The following SOCS4 variants were observed in gnomAD, a reference collection of about 807,000 sequenced individuals.
SOCS4 encodes the protein SH2 domain containing SOCS box protein.
A neutral mutation model predicts 34.1 loss-of-function variants in SOCS4; 20 were observed. The observed-to-expected ratio is 0.59, with a 90% CI of 0.41 to 0.85. The LOEUF (loss-of-function observed/expected upper bound fraction) is 0.85, where lower values mean the gene tolerates loss of function less well. Ranked by LOEUF, SOCS4 falls within the 40% of genes least tolerant of loss-of-function variation. The pLI, the probability that SOCS4 is intolerant of heterozygous loss-of-function variation, is 0.00. For synonymous variants in SOCS4, 180 were observed against 186.4 expected (o/e 0.97, Z 0.28); for missense variants, 479 against 532.4 (o/e 0.90, Z 0.99).
At position 55,043,828 on chromosome 14, in the gene SOCS4, A is replaced by C; in HGVS notation, c.787A>C (p.Lys263Gln). ...AATCCTGCAGTTGGAAACACCTCCT[A>C]AATACCACACGCAGATTGATTATGT... ...DEILQLETPP[K>Q]YHTQIDYVHC... The change falls in exon 3 of 3, where the codon AAA becomes CAA. Residue 263 changes from lysine (K) to glutamine (Q), a missense_variant. By Grantham distance (53) the Lys-to-Gln change is moderately conservative. Transcript: ENST00000555846. 6.2e-7 allele frequency: 1 copy of C among 1,614,180 alleles called. No individual in the cohort carries two copies. Among genetic ancestry groups the C allele is most frequent in the Non-Finnish European group, 8.5e-7 (1 of 1,180,018 alleles).
chr14:55,035,089 G>A (rs776295106), intron 2 of SOCS4, among the ~76,000 whole-genome samples: 5 of 152,264 alleles, frequency 3.3e-5, no homozygotes, highest in Non-Finnish European at 7.4e-5. Context: ...TCAAACTCCT[G>A]ACCTCAGATG....
At position 55,046,584 on chromosome 14, in the gene SOCS4, G is replaced by C. The variant is rs1185893028; in HGVS notation, c.*2220G>C. On this transcript the variant is annotated 3_prime_UTR_variant, in exon 3 of 3. Coordinates refer to ENST00000555846, the MANE Select transcript of SOCS4 (RefSeq NM_199421.2). ...TTCATATAATTCAAACTGATTGCTT[G>C]TGATATGTTTTCTCTGGCTTTTTTA... is the stretch of plus-strand genomic sequence containing the variant. 6.0e-6 allele frequency: 1 copy of C among 166,898 alleles called. No homozygotes were observed. Among genetic ancestry groups the C allele is most frequent in the East Asian group, 1.9e-4 (1 of 5,208 alleles). The allele number at this position is 166,898 out of a possible 1,614,324, so 10.3% of individuals were successfully genotyped here.
intron 2 of SOCS4, among the ~76,000 whole-genome samples, chr14:55,034,572 G>A (rs906932890): frequency 1.3e-5 from 2 of 152,094 alleles, no homozygotes; most frequent in Admixed American, 6.5e-5. Context: ...GGTGACTCAT[G>A]CCTGTAATCT....
rs369772822 is a variant in SOCS4 at position 55,045,724 on chromosome 14, A to G, written c.*1360A>G. ...AATGAATAATAAATGTAGATAGACA[A>G]TTTTCTTCTGGTGAGCTGTCTAACC... On this transcript the variant is annotated 3_prime_UTR_variant, in exon 3 of 3. Coordinates refer to ENST00000555846, the MANE Select transcript of SOCS4 (RefSeq NM_199421.2). 6.0e-6 allele frequency: 1 copy of G among 166,848 alleles called. No homozygotes were observed. The highest frequency in any genetic ancestry group is 2.4e-5 in the African/African-American group (1 of 41,420). 10.3% of individuals were successfully genotyped at this position (166,848 alleles called of 1,614,324 possible).
At position 55,043,477 on chromosome 14, in the gene SOCS4, T is replaced by C. The variant is rs757924191; in HGVS notation, c.436T>C (p.Phe146Leu). ...PRSDLAFRWH[F>L]IKRHTAPINS... is the part of the protein sequence containing the mutation. The stretch of plus-strand genomic sequence containing the variant: ...ATCAGATTTAGCCTTTAGGTGGCAT[T>C]TTATTAAACGACACACTGCTCCTAT... The change falls in exon 3 of 3, where the codon TTT (phenylalanine) becomes CTT (leucine). Residue 146 changes from phenylalanine (F) to leucine (L), a missense_variant. Coordinates refer to ENST00000555846, the MANE Select transcript of SOCS4 (RefSeq NM_199421.2). 1 of 1,614,194 alleles carries C rather than the reference T, an allele frequency of 6.2e-7. No homozygotes were observed. The highest frequency in any genetic ancestry group is 1.7e-5 in the Admixed American group (1 of 60,022).
chr14:55,043,166 AG>A lies in SOCS4; in HGVS notation c.126del (p.Ser43ValfsTer10). On this transcript the variant is annotated frameshift_variant, in exon 3 of 3. Transcript: ENST00000555846. LOFTEE classifies it high-confidence loss of function. ...WSGKKLSWSK[K>X]SESYSDAETV... Reference sequence around the variant, plus strand: ...GGAAAGAAGTTATCTTGGTCAAAAAAGAGTGAGAGTTATTCAGATGCTGAGA... The same window carrying A: ...GGAAAGAAGTTATCTTGGTCAAAAAAAGTGAGAGTTATTCAGATGCTGAGA... 1 of 1,614,262 alleles carries A rather than the reference AG, an allele frequency of 6.2e-7. No homozygotes were observed. The highest frequency in any genetic ancestry group is 8.5e-7 in the Non-Finnish European group (1 of 1,180,040).
At chr14:55,042,727 G>A (rs1375533175) in intron 2 of SOCS4, among the ~76,000 whole-genome samples, 1 of 152,142 alleles carries the variant, frequency 6.6e-6, no homozygotes, top group Non-Finnish European at 1.5e-5. Flanking sequence ...TTAGCTATGA[G>A]AAAGGAACTC....
Position 55,043,855 on chromosome 14 carries a change from C to T in SOCS4, c.814C>T (p.His272Tyr). ...ATACCACACGCAGATTGATTATGTCCACTGTCTTGTACCAGACCTCCTTCA... is the reference window on the plus strand; with the variant it reads ...ATACCACACGCAGATTGATTATGTCTACTGTCTTGTACCAGACCTCCTTCA... ...PKYHTQIDYV[H>Y]CLVPDLLQIN... is the part of the protein sequence containing the mutation. The change falls in exon 3 of 3, where the codon CAC (histidine) becomes TAC (tyrosine). Residue 272 changes from histidine to tyrosine, a missense_variant. Physicochemically the swap from His to Tyr is moderately conservative, Grantham distance 83. Transcript: ENST00000555846. The T allele has an allele frequency of 6.2e-7, 1 of 1,614,152 alleles. No homozygotes were observed. Among genetic ancestry groups the T allele is most frequent in the Non-Finnish European group, 8.5e-7 (1 of 1,180,028 alleles).
rs2042639755 is a variant in SOCS4 at position 55,043,431 on chromosome 14, T to C, written c.390T>C (p.Asp130=). 2 of 1,614,106 alleles carry C rather than the reference T, an allele frequency of 1.2e-6. No homozygotes were observed. Among genetic ancestry groups the C allele is most frequent in the Non-Finnish European group, 1.7e-6 (2 of 1,180,052 alleles). The change falls in exon 3 of 3, where the codon GAT becomes GAC. Residue 130 remains aspartate (D), a synonymous_variant. Transcript: ENST00000555846. ...TTCATATCAGTGAACTCATGTTAGA[T>C]AAGTGTCCTTTCCCACCTCGATCAG... The part of the protein sequence containing the change: ...RKIHISELML[D]KCPFPPRSDL...
intron 1 of SOCS4, among the ~76,000 whole-genome samples, chr14:55,029,132 T>C (rs2140240838): frequency 6.6e-6 from 1 of 152,332 alleles, no homozygotes; most frequent in Middle Eastern, 3.4e-3. Flanking sequence ...CTACAAATTG[T>C]AATACCTTCA....
rs960876946 is a variant in SOCS4 at position 55,049,079 on chromosome 14, T to C, written c.*4715T>C. 3 of 166,772 alleles carry C rather than the reference T, an allele frequency of 1.8e-5. No individual in the cohort carries two copies. The highest frequency in any genetic ancestry group is 4.4e-5 in the Non-Finnish European group (3 of 68,110). 10.3% of individuals were successfully genotyped at this position (166,772 alleles called of 1,614,324 possible). A position where few individuals can be genotyped will look rare whatever the true frequency, so the allele number is the denominator to read the frequency against. On this transcript the variant is annotated 3_prime_UTR_variant, in exon 3 of 3. Transcript: ENST00000555846. ...GTTTCCTCCTACCCTTCATATGGTC[T>C]GTGTAAAACTGATGTTTGCTTAACT...
In SOCS4 at chr14:55,044,727, A is replaced by G. The variant is rs569790386; in HGVS notation, c.*363A>G. The G allele has an allele frequency of 1.2e-5, 2 of 168,374 alleles. No individual in the cohort carries two copies. Among genetic ancestry groups the G allele is most frequent in the South Asian group, 4.1e-4 (2 of 4,900 alleles). The allele number at this position is 168,374 out of a possible 1,614,324, so 10.4% of individuals were successfully genotyped here. On this transcript the variant is annotated 3_prime_UTR_variant, in exon 3 of 3. Transcript: ENST00000555846. ...CACATTTGAATATTGTGTATTTCAT[A>G]CTATTCTTTAAAAGTAATCTTATGT...
At chr14:55,039,843 C>G (rs535173073) in intron 2 of SOCS4, among the ~76,000 whole-genome samples, 1 of 152,278 alleles carries the variant, frequency 6.6e-6, no homozygotes, top group Admixed American at 6.5e-5. Flanking sequence ...TTGCAGTGAG[C>G]CGAGATCGTG....
Position 55,042,948 on chromosome 14 carries a change from T to TG in SOCS4, c.-90-4_-90-3insG. On this transcript the variant is annotated splice_region_variant and splice_polypyrimidine_tract_variant and intron_variant, in intron 2 of 2. Coordinates refer to ENST00000555846, the MANE Select transcript of SOCS4 (RefSeq NM_199421.2). ...GGTTAATGACTTTTTTTTGTTTTCT[T>TG]TAGATACATCCAGAAAGTGCCCAGA... 1 of 1,179,048 alleles carries TG rather than the reference T, an allele frequency of 8.5e-7. No homozygotes were observed. Among genetic ancestry groups the TG allele is most frequent in the Non-Finnish European group, 1.2e-6 (1 of 843,386 alleles). The allele number at this position is 1,179,048 out of a possible 1,614,324, so 73.0% of individuals were successfully genotyped here.
At position 55,043,782 on chromosome 14, in the gene SOCS4, C is replaced by G; in HGVS notation, c.741C>G (p.Pro247=). The change falls in exon 3 of 3, where the codon CCC becomes CCG. Residue 247 remains proline, a synonymous_variant. Transcript: ENST00000555846. ...LCTSSRKRNK[P]KWDLDDEILQ... Reference sequence around the variant, plus strand: ...CAAGTTCCAGAAAAAGAAACAAACCCAAATGGGATTTGGATGATGAAATCC... The same window carrying G: ...CAAGTTCCAGAAAAAGAAACAAACCGAAATGGGATTTGGATGATGAAATCC... 1 of 1,614,048 alleles carries G rather than the reference C, an allele frequency of 6.2e-7. No individual in the cohort carries two copies. Among genetic ancestry groups the G allele is most frequent in the Non-Finnish European group, 8.5e-7 (1 of 1,179,996 alleles).
chr14:55,042,413 A>G (rs948114859), intron 2 of SOCS4, among the ~76,000 whole-genome samples: 10 of 152,208 alleles, frequency 6.6e-5, no homozygotes, highest in South Asian at 2.1e-4. Context: ...TTGCTGTTCA[A>G]TGGTGATTGT....
At chr14:55,030,080 A>G (rs1439487260) in intron 1 of SOCS4, among the ~76,000 whole-genome samples, 1 of 152,196 alleles carries the variant, frequency 6.6e-6, no homozygotes, top group Non-Finnish European at 1.5e-5. Flanking sequence ...AGCTAGAAAT[A>G]GAACCCAGGT....
At chr14:55,041,940 C>T (rs921174364) in intron 2 of SOCS4, among the ~76,000 whole-genome samples, 7 of 151,562 alleles carry the variant, frequency 4.6e-5, no homozygotes, top group African/African-American at 1.5e-4. Context: ...TACAGGCGTG[C>T]GCCGTTGCAC....
At chr14:55,037,636 G>A (rs1437775086) in intron 2 of SOCS4, among the ~76,000 whole-genome samples, 1 of 151,894 alleles carries the variant, frequency 6.6e-6, no homozygotes, top group African/African-American at 2.4e-5. Context: ...TGGGATTACA[G>A]GCGCCTGCCA....
Sources: gnomAD v4.1 joint callset for allele counts (sites outside exome capture counted in the v4.1 genomes callset) on GRCh38, gnomAD v4.1.1 for gene constraint, MANE v1.5 for transcripts, NCBI Gene and HGNC (gene_info 2026-07-23, HGNC 2026-07-21) for gene names.